The following GPHN variants were observed in gnomAD, a reference collection of about 807,000 sequenced individuals.
GPHN encodes gephyrin.
Under a neutral mutation model 95.5 loss-of-function variants are expected in GPHN, and 17 were observed. That is an observed-to-expected ratio of 0.18 (90% CI 0.12 to 0.27). GPHN has a LOEUF of 0.27. Ranked by LOEUF, GPHN falls within the 10% of genes least tolerant of loss-of-function variation. The pLI is 1.00. For synonymous variants in GPHN, 320 were observed against 322.5 expected, an observed-to-expected ratio of 0.99 and a Z score of 0.08; for missense variants, 660 against 978.1, an observed-to-expected ratio of 0.67 and a Z score of 4.34.
Position 66,883,822 on chromosome 14 carries a change from T to C in GPHN, c.389+3789T>C, listed in dbSNP as rs563070303. Reference sequence around the variant, plus strand: ...CAGTAGTATATACTAGGTTTATGTTTTAAAATCTTTTCTTGTACTTATTTT... The same window carrying C: ...CAGTAGTATATACTAGGTTTATGTTCTAAAATCTTTTCTTGTACTTATTTT... On this transcript the variant is annotated intron_variant, in intron 5 of 22. Coordinates refer to ENST00000478722, the MANE Select transcript of GPHN (RefSeq NM_020806.5). Among the ~76,000 whole-genome samples the C allele has an allele frequency of 5.9e-5, 9 of 152,204 alleles. No individual in the cohort carries two copies. The South Asian group carries it at 1.9e-3, about 32-fold the overall frequency.
chr14:67,669,924 C>T, the GPHN span, among the ~76,000 whole-genome samples: 10 of 152,080 alleles, frequency 6.6e-5, no homozygotes, highest in African/African-American at 2.4e-4. Flanking sequence ...ACATGGGAGA[C>T]CCTTACTAAA....
the GPHN span, among the ~76,000 whole-genome samples, chr14:67,482,357 A>G: frequency 0.047 from 7,201 of 152,284 alleles, 211 homozygotes; most frequent in East Asian, 0.097. Context: ...TTTTGTCAAA[A>G]ACTCCCATCT....
At chr14:67,240,906 A>T in the GPHN span, among the ~76,000 whole-genome samples, 1 of 152,234 alleles carries the variant, frequency 6.6e-6, no homozygotes, top group East Asian at 1.9e-4. Flanking sequence ...TCATTTTTTA[A>T]AAAAAACAAA....
the GPHN span, among the ~76,000 whole-genome samples, chr14:67,431,390 TCAAAAAAAA>T: frequency 9.1e-5 from 2 of 21,876 alleles, no homozygotes; most frequent in African/African-American, 4.7e-4. Context: ...AGACTCTGTC[TCAAAAAAAA>T]AAAAAAAAAA....
the GPHN span, among the ~76,000 whole-genome samples, chr14:67,291,234 C>CT: frequency 0.16 from 22,986 of 144,868 alleles, 3,305 homozygotes; most frequent in East Asian, 0.43. Context: ...ACTACCAGTG[C>CT]TTTTTTTTTT....
At chr14:67,132,591 A>C (rs1300727029) in intron 17 of GPHN, among the ~76,000 whole-genome samples, 1 of 152,074 alleles carries the variant, frequency 6.6e-6, no homozygotes, top group Admixed American at 6.5e-5. Context: ...AAACGTGTTT[A>C]ATGACGAGAG....
intron 3 of GPHN, among the ~76,000 whole-genome samples, chr14:66,798,239 G>T (rs953219440): frequency 5.9e-5 from 9 of 151,826 alleles, no homozygotes; most frequent in African/African-American, 2.2e-4. Context: ...ATTTCATTGA[G>T]GAGTTTTGCA....
chr14:67,698,475 G>T, the GPHN span, among the ~76,000 whole-genome samples: 1 of 152,090 alleles, frequency 6.6e-6, no homozygotes, highest in African/African-American at 2.4e-5. Flanking sequence ...AAAGCAGAGG[G>T]AAGCTTTGAG....
At chr14:67,594,386 C>A in the GPHN span, among the ~76,000 whole-genome samples, 3 of 152,290 alleles carry the variant, frequency 2.0e-5, no homozygotes, top group Admixed American at 6.5e-5. Flanking sequence ...AGGTGGCTCA[C>A]GCCTGTACTC....
intron 19 of GPHN, among the ~76,000 whole-genome samples, 189 bp from the exon 20 acceptor site, chr14:67,164,973 A>T (rs1241353435): frequency 6.6e-6 from 1 of 152,172 alleles, no homozygotes; most frequent in Non-Finnish European, 1.5e-5. Flanking sequence ...TTACTTGAAA[A>T]CAGGAAATAC....
the GPHN span, chr14:67,724,416 T>C: frequency 1.8e-6 from 2 of 1,094,164 alleles, no homozygotes; most frequent in Admixed American, 1.7e-5. Flanking sequence ...TTTTAACGTA[T>C]CTTAGTGTGA....
the GPHN span, among the ~76,000 whole-genome samples, chr14:67,679,043 C>T: frequency 6.6e-6 from 1 of 152,144 alleles, no homozygotes; most frequent in Non-Finnish European, 1.5e-5. Context: ...AATGAGCATA[C>T]AGAAACTGGC....
chr14:66,693,745 A>G (rs1482807714), intron 2 of GPHN, among the ~76,000 whole-genome samples: 1 of 152,204 alleles, frequency 6.6e-6, no homozygotes, highest in Admixed American at 6.5e-5. Context: ...ATGCTTTATC[A>G]GTACTCTGTA....
chr14:67,584,010 G>A, the GPHN span: 1 of 1,614,006 alleles, frequency 6.2e-7, no homozygotes, highest in South Asian at 1.1e-5. Context: ...TGGCAGATAT[G>A]TTGACCACAA....
chr14:67,154,482 C>A (rs1239827418), intron 18 of GPHN, among the ~76,000 whole-genome samples: 2 of 152,092 alleles, frequency 1.3e-5, no homozygotes. Context: ...TGTCTTTCTT[C>A]TGTACCATGA....
chr14:67,473,715 C>A, the GPHN span: 2 of 1,602,078 alleles, frequency 1.2e-6, no homozygotes, highest in African/African-American at 1.3e-5. This position sits in a 1 kb window ranked among gnomAD's most constrained non-coding sequence, Gnocchi z 6.5. Flanking sequence ...CAGCGGGCAG[C>A]GGCCGCGCAG....
At chr14:66,795,957 C>T (rs191537906) in intron 3 of GPHN, among the ~76,000 whole-genome samples, 2 of 152,114 alleles carry the variant, frequency 1.3e-5, no homozygotes, top group Admixed American at 1.3e-4. Flanking sequence ...ACCTACTAAC[C>T]ATCCCTACCT....
rs2273835 is a variant in GPHN at position 67,179,783 on chromosome 14, T to C, written c.2176+109T>C. On this transcript the variant is annotated intron_variant, in intron 22 of 22. Coordinates refer to ENST00000478722, the MANE Select transcript of GPHN (RefSeq NM_020806.5). ...TGATTTTGTAATTATTATACATTTT[T>C]CTTTTTGAAAAGTTAGATGAGTTAA... The C allele has an allele frequency of 0.055, 39,701 of 718,328 alleles. 1,237 individuals are homozygous for C. Among genetic ancestry groups the C allele is most frequent in the Middle Eastern group, 0.078 (306 of 3,900 alleles). 44.5% of individuals were successfully genotyped at this position (718,328 alleles called of 1,614,324 possible). A position where few individuals can be genotyped will look rare whatever the true frequency, so the allele number is the denominator to read the frequency against.
chr14:67,164,035 G>A (rs969379043), intron 19 of GPHN, among the ~76,000 whole-genome samples: 8 of 151,830 alleles, frequency 5.3e-5, no homozygotes, highest in South Asian at 2.1e-4. Context: ...TTGGGAGGCC[G>A]AGGCAGGCGG....
Sources: gnomAD v4.1 joint callset for allele counts (sites outside exome capture counted in the v4.1 genomes callset) on GRCh38, gnomAD v4.1.1 for gene constraint, Gnocchi (gnomAD v3.1) non-coding constraint, MANE v1.5 for transcripts, NCBI Gene and HGNC (gene_info 2026-07-23, HGNC 2026-07-21) for gene names.